The following FGD6 variants were observed in gnomAD, a reference collection of about 807,000 sequenced individuals.
The protein encoded by FGD6 is FYVE, RhoGEF and PH domain containing 6.
FGD6 carries 90 observed loss-of-function variants against 149.4 expected under a neutral mutation model. The observed-to-expected ratio is 0.60, with a 90% CI of 0.51 to 0.72. The LOEUF is 0.72. FGD6 is among the 30% of genes least tolerant of loss of function. The probability of loss-of-function intolerance (pLI) is 0.00; values close to 1 mark genes in which losing one functional copy is unlikely to be tolerated. For synonymous variants in FGD6, 527 were observed against 584.0 expected, an observed-to-expected ratio of 0.90 and a Z score of 1.41; for missense variants, 1,437 against 1,684.8, an observed-to-expected ratio of 0.85 and a Z score of 2.57.
intron 11 of FGD6, 83 bp downstream of exon 11, chr12:95,108,265 T>C: frequency 1.6e-6 from 2 of 1,253,030 alleles, no homozygotes; most frequent in Non-Finnish European, 2.2e-6. Context: ...AAAAACAACC[T>C]ATTTTTATAA....
At chr12:95,144,045 A>G (rs1370633992) in intron 5 of FGD6, among the ~76,000 whole-genome samples, 5 of 152,188 alleles carry the variant, frequency 3.3e-5, no homozygotes, top group Non-Finnish European at 7.3e-5. Flanking sequence ...CCGGTTTGAC[A>G]CAGCTTTTGC....
intron 9 of FGD6, among the ~76,000 whole-genome samples, chr12:95,110,868 C>G (rs932527701): frequency 2.0e-5 from 3 of 152,126 alleles, no homozygotes; most frequent in Admixed American, 2.0e-4. Context: ...TCTACTTTCC[C>G]CACGTCATCC....
intron 6 of FGD6, among the ~76,000 whole-genome samples, chr12:95,138,076 C>T (rs571230474): frequency 3.3e-5 from 5 of 151,942 alleles, no homozygotes; most frequent in South Asian, 2.1e-4. Flanking sequence ...CAAAATTAGT[C>T]GGGCATGGTG....
At chr12:95,156,526 A>T (rs1464750610) in intron 3 of FGD6, among the ~76,000 whole-genome samples, 4 of 152,158 alleles carry the variant, frequency 2.6e-5, no homozygotes, top group Admixed American at 2.6e-4. Context: ...TATCAATGAC[A>T]ATGTGTGCCC....
chr12:95,095,046 A>C (rs1457597588), intron 14 of FGD6, among the ~76,000 whole-genome samples: 1 of 152,254 alleles, frequency 6.6e-6, no homozygotes, highest in Non-Finnish European at 1.5e-5. Context: ...GAGTTTCTTA[A>C]GACATCATCC....
At chr12:95,191,194 T>G (rs574343369) in intron 2 of FGD6, among the ~76,000 whole-genome samples, 1 of 152,368 alleles carries the variant, frequency 6.6e-6, no homozygotes, top group Admixed American at 6.5e-5. Context: ...TTAGACTCCA[T>G]GCTTTCTTTC....
At chr12:95,178,362 G>A (rs993820246) in intron 2 of FGD6, among the ~76,000 whole-genome samples, 1 of 152,232 alleles carries the variant, frequency 6.6e-6, no homozygotes, top group Non-Finnish European at 1.5e-5. Context: ...AGTTCAACCA[G>A]TGTGACTCCT....
rs185439744 is a variant in FGD6, at chr12:95,129,424, C to G, written c.3082+5315G>C. Among the ~76,000 whole-genome samples, 37 of 152,272 alleles carry G rather than the reference C, an allele frequency of 2.4e-4. 1 individual carries two copies. The highest frequency in any genetic ancestry group is 9.8e-4 in the Admixed American group (15 of 15,278). On this transcript the variant is annotated intron_variant, in intron 8 of 20. Transcript: ENST00000343958. ...ATCTTATAAAAAAGAGCAACTCTCC[C>G]TTTCCCTAATTACACCTGTCAGTTG...
At chr12:95,187,458 G>C (rs1881474050) in intron 2 of FGD6, among the ~76,000 whole-genome samples, 1 of 151,964 alleles carries the variant, frequency 6.6e-6, no homozygotes, top group South Asian at 2.1e-4. Flanking sequence ...ATCGAGACCA[G>C]CATGGCCAAT....
At chr12:95,203,292 T>C (rs568880738) in intron 2 of FGD6, among the ~76,000 whole-genome samples, 3 of 152,254 alleles carry the variant, frequency 2.0e-5, no homozygotes, top group East Asian at 3.9e-4. Context: ...AAAAGATAAA[T>C]CCAAACCTGT....
chr12:95,152,810 C>A lies in FGD6; in HGVS notation c.2685+1G>T. ...TCAAGAAAATATTAGCAGATACTTA[C>A]AATATGCAAAAGTTTTAACACATCC... On this transcript the variant is annotated splice_donor_variant, in intron 5 of 20. Transcript: ENST00000343958. LOFTEE classifies it high-confidence loss of function. The A allele has an allele frequency of 1.2e-6, 2 of 1,611,978 alleles. No individual in the cohort carries two copies. Among genetic ancestry groups the A allele is most frequent in the Non-Finnish European group, 1.7e-6 (2 of 1,178,818 alleles).
chr12:95,122,911 G>A (rs752906146), intron 8 of FGD6, among the ~76,000 whole-genome samples: 59 of 151,804 alleles, frequency 3.9e-4, no homozygotes, highest in African/African-American at 1.2e-3. Context: ...GTGAAACCTC[G>A]TCCCTAATAA....
At chr12:95,100,722 C>A in intron 14 of FGD6, 1 of 530,894 alleles carries the variant, frequency 1.9e-6, no homozygotes, top group South Asian at 1.4e-5. Context: ...TTGCAACAGA[C>A]AGTGCTGAGG....
At chr12:95,164,632 T>C (rs1013082346) in intron 3 of FGD6, among the ~76,000 whole-genome samples, 5 of 152,124 alleles carry the variant, frequency 3.3e-5, no homozygotes, top group African/African-American at 1.2e-4. Context: ...AGTTTCACCA[T>C]GTTGGCCAGG....
chr12:95,169,337 G>T (rs1172294978), intron 3 of FGD6, among the ~76,000 whole-genome samples: 1 of 151,602 alleles, frequency 6.6e-6, no homozygotes, highest in Non-Finnish European at 1.5e-5. Flanking sequence ...AAAAATAAAT[G>T]TACTCTGTTG....
intron 1 of FGD6, among the ~76,000 whole-genome samples, chr12:95,211,525 CT>C (rs1041718391): frequency 2.2e-5 from 3 of 137,300 alleles, no homozygotes; most frequent in Non-Finnish European, 4.6e-5. Flanking sequence ...GTTACCATAT[CT>C]TTTTTTCTTT....
intron 14 of FGD6, among the ~76,000 whole-genome samples, chr12:95,104,474 T>C (rs1021418895): frequency 6.6e-6 from 1 of 151,866 alleles, no homozygotes; most frequent in Admixed American, 6.6e-5. Context: ...TCTCTCTCTG[T>C]CACCTAGGCT....
At chr12:95,108,236 T>C in intron 11 of FGD6, 112 bp downstream of exon 11, 4 of 890,102 alleles carry the variant, frequency 4.5e-6, no homozygotes, top group Non-Finnish European at 1.7e-6. Flanking sequence ...TGATCAAAAT[T>C]GAATCAATGA....
chr12:95,204,373 C>A (rs1281932391), intron 2 of FGD6, among the ~76,000 whole-genome samples: 1 of 152,124 alleles, frequency 6.6e-6, no homozygotes, highest in Non-Finnish European at 1.5e-5. Context: ...GCATCAGAAA[C>A]TCAATTAGCC....
Sources: allele counts gnomAD v4.1 joint callset (sites outside exome capture counted in the v4.1 genomes callset), GRCh38; gene constraint gnomAD v4.1.1; transcripts MANE v1.5; gene names NCBI Gene and HGNC (gene_info 2026-07-23, HGNC 2026-07-21).